QPCTL: variants seen among roughly 807,000 people sequenced by gnomAD.
QPCTL encodes the protein glutaminyl-peptide cyclotransferase like, also known as glutaminyl-peptide cyclotransferase-like protein.
In QPCTL, 31 loss-of-function variants were observed where a neutral mutation model predicts 34.6. That is an observed-to-expected ratio of 0.90 (90% CI 0.67 to 1.21). The LOEUF is 1.21. QPCTL is among the 50% of genes most tolerant of loss of function. The pLI is 0.00. For missense variants in QPCTL, 474 were observed against 507.8 expected (o/e 0.93, Z 0.64); for synonymous variants, 223 against 226.9 (o/e 0.98, Z 0.15).
chr19:45,695,609 C>T lies in QPCTL; in HGVS notation c.524C>T (p.Pro175Leu). The T allele has an allele frequency of 6.2e-7, 1 of 1,614,064 alleles. No homozygotes were observed. Residue 175 changes from proline to leucine, a missense_variant, in exon 3 of 7, where the codon CCA becomes CTA. Pro to Leu is a moderately conservative substitution (Grantham distance 98). Transcript: ENST00000012049. ...TGCCATTATGACTCGAAGCTCTTCCCACCCGGATCGACCCCCTTTGTAGGG... is the reference window on the plus strand; with the variant it reads ...TGCCATTATGACTCGAAGCTCTTCCTACCCGGATCGACCCCCTTTGTAGGG... The part of the protein sequence containing the change: ...LACHYDSKLF[P>L]PGSTPFVGAT...
At chr19:45,701,229 G>A (rs536712363) in intron 5 of QPCTL, among the ~76,000 whole-genome samples, 1 of 152,138 alleles carries the variant, frequency 6.6e-6, no homozygotes, top group African/African-American at 2.4e-5. Context: ...AGGCTGCACT[G>A]AGCTGGGATT....
intron 3 of QPCTL, 73 bp downstream of exon 3, chr19:45,695,791 G>A (rs1041150162): frequency 2.0e-5 from 29 of 1,465,676 alleles, no homozygotes; most frequent in African/African-American, 2.8e-5. Context: ...CCCTTGCCTG[G>A]ACATTTGTCA....
At chr19:45,693,352 T>C in intron 1 of QPCTL, 61 bp from the exon 2 acceptor site, 2 of 1,536,304 alleles carry the variant, frequency 1.3e-6, no homozygotes, top group South Asian at 1.2e-5. Flanking sequence ...GCGCCCGGGG[T>C]AGGGTTGAAA....
chr19:45,701,111 C>T (rs1398808722), intron 5 of QPCTL, among the ~76,000 whole-genome samples: 10 of 106,684 alleles, frequency 9.4e-5, no homozygotes, highest in South Asian at 3.2e-4. Context: ...TCTACACACA[C>T]GCGCACACAC....
intron 6 of QPCTL, among the ~76,000 whole-genome samples, chr19:45,702,222 G>A (rs542101360): frequency 6.6e-5 from 10 of 151,854 alleles, no homozygotes; most frequent in East Asian, 3.9e-4. Flanking sequence ...GAGGCTGAGC[G>A]GGGTGGCGGG....
At chr19:45,701,977 A>C in intron 6 of QPCTL, 63 bp downstream of exon 6, 1 of 1,359,454 alleles carries the variant, frequency 7.4e-7, no homozygotes, top group Non-Finnish European at 1.0e-6. Flanking sequence ...GGAACTGGCC[A>C]AGTCCCCTTC....
At position 45,692,735 on chromosome 19, in the gene QPCTL, T is replaced by C. The variant is rs1359588733; in HGVS notation, c.32T>C (p.Leu11Pro). The C allele has an allele frequency of 1.3e-6, 2 of 1,565,802 alleles. No individual in the cohort carries two copies. Among genetic ancestry groups the C allele is most frequent in the South Asian group, 1.2e-5 (1 of 86,822 alleles). Residue 11 changes from leucine to proline, a missense_variant, in exon 1 of 7, where the codon CTG (leucine) becomes CCG (proline). Physicochemically the swap from Leu to Pro is moderately conservative, Grantham distance 98. Transcript: ENST00000012049. MRSGGRGRPR[L>P]RLGERGLMEP... The stretch of plus-strand genomic sequence containing the variant: ...TCCGGGGGCCGCGGGCGACCCCGCC[T>C]GCGGCTGGGGGAACGTGGCCTCATG...
At position 45,695,700 on chromosome 19, in the gene QPCTL, G is replaced by A. The variant is rs370301101; in HGVS notation, c.615G>A (p.Leu205=). ...TGGCCCAAGCACTTGACCTGGAGCT[G>A]AGCAGGGCCAAAAAACAGGTGAGGA... ...LELAQALDLE[L]SRAKKQAAPV... The change falls in exon 3 of 7, where the codon CTG becomes CTA. Residue 205 remains leucine (L), a synonymous_variant. Transcript: ENST00000012049. 2.5e-6 allele frequency: 4 copies of A among 1,610,824 alleles called. No individual in the cohort carries two copies. The South Asian group carries it at 4.4e-5, about 18-fold the overall frequency.
chr19:45,699,028 C>CAT, intron 5 of QPCTL, 128 bp downstream of exon 5: 29 of 592,862 alleles, frequency 4.9e-5, no homozygotes, highest in East Asian at 1.9e-4. Context: ...AGGGAGACCC[C>CAT]ATCTTTTTTT....
chr19:45,700,272 C>T (rs574242323), intron 5 of QPCTL, among the ~76,000 whole-genome samples: 5 of 151,884 alleles, frequency 3.3e-5, no homozygotes, highest in African/African-American at 1.2e-4. Flanking sequence ...TGGTAAAACC[C>T]TATCTCTACT....
Position 45,692,713 on chromosome 19 carries a change from G to C in QPCTL, c.10G>C (p.Gly4Arg). The C allele has an allele frequency of 6.5e-7, 1 of 1,544,280 alleles. No individual in the cohort carries two copies. Among genetic ancestry groups the C allele is most frequent in the Non-Finnish European group, 8.7e-7 (1 of 1,143,872 alleles). Reference protein sequence around the residue: MRSGGRGRPRLRLG... With the variant: MRSRGRGRPRLRLG... Reference sequence around the variant, plus strand: ...TCAGGGCAAAGCGGCCATGCGTTCCGGGGGCCGCGGGCGACCCCGCCTGCG... The same window carrying C: ...TCAGGGCAAAGCGGCCATGCGTTCCCGGGGCCGCGGGCGACCCCGCCTGCG... The change falls in exon 1 of 7, where the codon GGG becomes CGG. Residue 4 changes from glycine to arginine, a missense_variant. Coordinates refer to ENST00000012049, the MANE Select transcript of QPCTL (RefSeq NM_017659.4).
intron 5 of QPCTL, among the ~76,000 whole-genome samples, chr19:45,699,684 A>C (rs1159982653): frequency 2.6e-5 from 4 of 151,964 alleles, no homozygotes; most frequent in Non-Finnish European, 5.9e-5. Context: ...TAATCCCAGC[A>C]CTTTGGGAGG....
chr19:45,696,465 C>T (rs1290451861), intron 3 of QPCTL, among the ~76,000 whole-genome samples: 1 of 152,000 alleles, frequency 6.6e-6, no homozygotes, highest in African/African-American at 2.4e-5. Context: ...GTGGTGCACA[C>T]CTGTAACCCC....
intron 5 of QPCTL, among the ~76,000 whole-genome samples, chr19:45,700,982 G>A (rs1035124088): frequency 6.7e-5 from 10 of 148,956 alleles, no homozygotes; most frequent in South Asian, 4.2e-4. Context: ...AAAAAAGGCC[G>A]GAGGGCCCAG....
At chr19:45,702,663 C>T (rs1393810754) in intron 6 of QPCTL, among the ~76,000 whole-genome samples, 1 of 151,418 alleles carries the variant, frequency 6.6e-6, no homozygotes, top group Non-Finnish European at 1.5e-5. Context: ...ACCCGGGAGG[C>T]TAAGACGGTA....
Position 45,701,820 on chromosome 19 carries a change from C to T in QPCTL, c.909C>T (p.Asn303=), listed in dbSNP as rs552722095. 39 of 1,613,882 alleles carry T rather than the reference C, an allele frequency of 2.4e-5. 2 individuals are homozygous for T. In the South Asian group the frequency reaches 4.0e-4, roughly 16 times the overall value. Residue 303 remains asparagine (N), a synonymous_variant, in exon 6 of 7, where the codon AAC becomes AAT. Transcript: ENST00000012049. ...CAGAGAAGCGTCTGCACCGTTTGAACCTGCTGCAGTCTCATCCCCAGGAAG... is the reference window on the plus strand; with the variant it reads ...CAGAGAAGCGTCTGCACCGTTTGAATCTGCTGCAGTCTCATCCCCAGGAAG... ...RSIEKRLHRL[N]LLQSHPQEVM...
chr19:45,692,943 G>A, intron 1 of QPCTL, 33 bp downstream of exon 1: 2 of 1,524,848 alleles, frequency 1.3e-6, no homozygotes, highest in Non-Finnish European at 1.8e-6. Context: ...GCACCGCGGG[G>A]ACCCTCATTC....
rs1307801109 is a variant in QPCTL, at chr19:45,703,897, G to C, written c.*848G>C. 6.6e-6 allele frequency: 1 copy of C among 152,038 alleles called. No homozygotes were observed. Among genetic ancestry groups the C allele is most frequent in the Admixed American group, 6.6e-5 (1 of 15,242 alleles). 9.4% of individuals were successfully genotyped at this position (152,038 alleles called of 1,614,324 possible). A position where few individuals can be genotyped will look rare whatever the true frequency, so the allele number is the denominator to read the frequency against. On this transcript the variant is annotated 3_prime_UTR_variant, in exon 7 of 7. Transcript: ENST00000012049. ...GTACGCAGGAGGCGGAGGTTGCAGTGAGCCAAGATCACACCACTGCACTCC... is the reference window on the plus strand; with the variant it reads ...GTACGCAGGAGGCGGAGGTTGCAGTCAGCCAAGATCACACCACTGCACTCC...
At chr19:45,696,572 A>G (rs1967700311) in intron 3 of QPCTL, among the ~76,000 whole-genome samples, 2 of 151,384 alleles carry the variant, frequency 1.3e-5, no homozygotes. Flanking sequence ...CCTGGGCAAC[A>G]GAGCGAGACT....
Sources: allele counts gnomAD v4.1 joint callset (sites outside exome capture counted in the v4.1 genomes callset), GRCh38; gene constraint gnomAD v4.1.1; transcripts MANE v1.5; gene names NCBI Gene and HGNC (gene_info 2026-07-23, HGNC 2026-07-21).